The following ARHGAP26 variants were observed in gnomAD, a reference collection of about 807,000 sequenced individuals.
ARHGAP26 encodes Rho GTPase activating protein 26.
In ARHGAP26, 38 loss-of-function variants were observed where a neutral mutation model predicts 104.8. The observed-to-expected ratio is 0.36, with a 90% CI of 0.28 to 0.48. The LOEUF is 0.48. Ranked by LOEUF, ARHGAP26 falls within the 20% of genes least tolerant of loss-of-function variation. The pLI is 0.99. For missense variants in ARHGAP26, 704 were observed against 947.9 expected (o/e 0.74, Z 3.38); for synonymous variants, 341 against 340.0 (o/e 1.00, Z -0.03).
Position 143,213,994 on chromosome 5 carries a change from C to T in ARHGAP26, c.2100-3C>T, listed in dbSNP as rs1449120703. The T allele has an allele frequency of 6.3e-7, 1 of 1,580,606 alleles. No homozygotes were observed. ...TGTTAAATAAACTCCTGTTTTCACA[C>T]AGCACACCGTTCCGGAAGGCAAAAG... is the stretch of plus-strand genomic sequence containing the variant. On this transcript the variant is annotated splice_region_variant and splice_polypyrimidine_tract_variant and intron_variant, in intron 21 of 22. Coordinates refer to ENST00000645722, the MANE Select transcript of ARHGAP26 (RefSeq NM_001135608.3).
At chr5:143,103,794 A>G (rs772302595) in intron 17 of ARHGAP26, among the ~76,000 whole-genome samples, 33 of 151,804 alleles carry the variant, frequency 2.2e-4, no homozygotes, top group Non-Finnish European at 3.8e-4. Flanking sequence ...GGGACCTAAC[A>G]GGGGGTAGGG....
chr5:143,088,556 C>G (rs1434904165), intron 17 of ARHGAP26, among the ~76,000 whole-genome samples: 4 of 151,840 alleles, frequency 2.6e-5, no homozygotes, highest in African/African-American at 9.7e-5. Flanking sequence ...AGAAAGAACC[C>G]AAGATAATCT....
chr5:143,183,379 G>A (rs964180332), intron 20 of ARHGAP26, among the ~76,000 whole-genome samples: 1 of 152,152 alleles, frequency 6.6e-6, no homozygotes, highest in African/African-American at 2.4e-5. Context: ...AGGAGATAAT[G>A]AGAGCCGTGT....
chr5:143,121,220 T>C, intron 18 of ARHGAP26, 73 bp downstream of exon 18: 5 of 1,499,408 alleles, frequency 3.3e-6, no homozygotes, highest in Non-Finnish European at 4.5e-6. Flanking sequence ...ACCTTCAGAG[T>C]TGGCTCAGAT....
intron 1 of ARHGAP26, chr5:142,859,979 A>T (rs1232897347): frequency 6.6e-6 from 1 of 152,220 alleles, no homozygotes; most frequent in Non-Finnish European, 1.5e-5. Flanking sequence ...CCCCTTACTC[A>T]GTCGTAGATA....
At chr5:142,951,612 T>C (rs2152610576) in intron 11 of ARHGAP26, among the ~76,000 whole-genome samples, 1 of 152,278 alleles carries the variant, frequency 6.6e-6, no homozygotes, top group African/African-American at 2.4e-5. Flanking sequence ...TTGAGGATCT[T>C]ATCATCCTTT....
chr5:142,975,051 G>A (rs540056552), intron 11 of ARHGAP26, among the ~76,000 whole-genome samples: 9 of 152,182 alleles, frequency 5.9e-5, no homozygotes, highest in African/African-American at 1.4e-4. Context: ...AACTTCAATC[G>A]TTTCAAATCT....
In ARHGAP26 at chr5:143,227,475, C is replaced by A. The variant is rs1030000889; in HGVS notation, c.*5029C>A. On this transcript the variant is annotated 3_prime_UTR_variant, in exon 23 of 23. Transcript: ENST00000645722. ...TGCTCAAATGTGTTTGGCAGCCACA[C>A]CGATCGGCTGGGTGCTGAACCGCCT... 19 of 231,330 alleles carry A rather than the reference C, an allele frequency of 8.2e-5. No individual in the cohort carries two copies. The highest frequency in any genetic ancestry group is 1.5e-4 in the Non-Finnish European group (18 of 116,950). 14.3% of individuals were successfully genotyped at this position (231,330 alleles called of 1,614,324 possible).
chr5:142,838,284 A>G (rs1243589115), intron 1 of ARHGAP26, among the ~76,000 whole-genome samples: 1 of 152,042 alleles, frequency 6.6e-6, no homozygotes, highest in East Asian at 1.9e-4. Flanking sequence ...AGTTAAGGGT[A>G]AAATATTGAT....
chr5:143,046,955 T>C (rs908196773), intron 14 of ARHGAP26, among the ~76,000 whole-genome samples: 6 of 152,230 alleles, frequency 3.9e-5, no homozygotes, highest in African/African-American at 1.4e-4. Context: ...TAGTATAGTA[T>C]AGTATACTAA....
chr5:142,854,592 C>T (rs1383056144), intron 1 of ARHGAP26, among the ~76,000 whole-genome samples: 1 of 152,170 alleles, frequency 6.6e-6, no homozygotes, highest in African/African-American at 2.4e-5. Flanking sequence ...GAGTTGGAAG[C>T]AAAGGAAACT....
intron 11 of ARHGAP26, among the ~76,000 whole-genome samples, chr5:142,964,439 C>T (rs925148225): frequency 6.6e-6 from 1 of 151,934 alleles, no homozygotes; most frequent in African/African-American, 2.4e-5. Flanking sequence ...AATAAGGAAA[C>T]CCTAAAAATA....
intron 12 of ARHGAP26, among the ~76,000 whole-genome samples, chr5:143,022,529 G>T (rs1780501721): frequency 6.6e-6 from 1 of 152,194 alleles, no homozygotes; most frequent in Non-Finnish European, 1.5e-5. Context: ...GCAGGTGTGG[G>T]TGTTTTCCAG....
At chr5:143,012,577 T>TATATATATATATATATAAAAA (rs1554195775) in intron 11 of ARHGAP26, among the ~76,000 whole-genome samples, 1 of 19,088 alleles carries the variant, frequency 5.2e-5, no homozygotes, top group South Asian at 1.0e-3. Flanking sequence ...ATATATATAT[T>TATATATATATATATATAAAAA]ATGATCAGGT....
At chr5:142,785,075 C>A (rs545536913) in intron 1 of ARHGAP26, among the ~76,000 whole-genome samples, 1 of 151,992 alleles carries the variant, frequency 6.6e-6, no homozygotes, top group Non-Finnish European at 1.5e-5. Flanking sequence ...GGTCTACAGG[C>A]GCCCACCACC....
intron 11 of ARHGAP26, among the ~76,000 whole-genome samples, chr5:142,966,330 T>C (rs1771323957): frequency 6.6e-6 from 1 of 152,240 alleles, no homozygotes; most frequent in Non-Finnish European, 1.5e-5. Flanking sequence ...GGTTCAACTT[T>C]GTATTATTTT....
intron 20 of ARHGAP26, among the ~76,000 whole-genome samples, chr5:143,181,020 C>G (rs1260383170): frequency 6.6e-6 from 1 of 152,178 alleles, no homozygotes. Context: ...TCACTGACTT[C>G]TCAACAATGA....
intron 1 of ARHGAP26, chr5:142,859,974 T>G (rs1753026779): frequency 6.6e-6 from 1 of 152,304 alleles, no homozygotes; most frequent in Non-Finnish European, 1.5e-5. Context: ...CGTTCCCCCT[T>G]ACTCAGTCGT....
At chr5:143,104,094 G>C (rs1056471588) in intron 17 of ARHGAP26, among the ~76,000 whole-genome samples, 1 of 151,600 alleles carries the variant, frequency 6.6e-6, no homozygotes, top group Non-Finnish European at 1.5e-5. Context: ...TTATTTTGGT[G>C]CTAGTGAAAG....
Sources: gnomAD v4.1 joint callset for allele counts (sites outside exome capture counted in the v4.1 genomes callset) on GRCh38, gnomAD v4.1.1 for gene constraint, MANE v1.5 for transcripts, NCBI Gene and HGNC (gene_info 2026-07-23, HGNC 2026-07-21) for gene names.